Variants in FER observed in about 807,000 individuals in gnomAD.
FER encodes the protein tyrosine-protein kinase Fer.
Under a neutral mutation model 111.0 loss-of-function variants are expected in FER, and 63 were observed. The observed-to-expected ratio is 0.57, with a 90% confidence interval of 0.46 to 0.70. FER has a LOEUF of 0.70. FER is among the 30% of genes least tolerant of loss of function. FER has a pLI of 0.00. For synonymous variants in FER, 327 were observed against 313.9 expected (o/e 1.04, Z -0.44); for missense variants, 914 against 954.0 (o/e 0.96, Z 0.55).
At position 109,194,200 on chromosome 5, in the gene FER, G is replaced by A. The variant is rs1289626423; in HGVS notation, c.*6625G>A. The stretch of plus-strand genomic sequence containing the variant: ...ACATACTCAGTTCTTCCATTCCACT[G>A]TTCTATTGCCAATACCTTTTGTTGT... On this transcript the variant is annotated 3_prime_UTR_variant, in exon 20 of 20. Coordinates refer to ENST00000281092, the MANE Select transcript of FER (RefSeq NM_005246.4). 1.3e-5 allele frequency: 2 copies of A among 152,126 alleles called. No individual in the cohort carries two copies. Among genetic ancestry groups the A allele is most frequent in the Non-Finnish European group, 2.9e-5 (2 of 68,020 alleles). 9.4% of individuals were successfully genotyped at this position (152,126 alleles called of 1,614,324 possible).
chr5:109,017,809 A>T (rs1767381495), intron 13 of FER, among the ~76,000 whole-genome samples: 1 of 151,944 alleles, frequency 6.6e-6, no homozygotes, highest in South Asian at 2.1e-4. Context: ...ACCATTATCC[A>T]AGAAATTCAC....
At chr5:108,927,176 G>T (rs1466769844) in intron 10 of FER, among the ~76,000 whole-genome samples, 5 of 151,012 alleles carry the variant, frequency 3.3e-5, no homozygotes, top group African/African-American at 1.2e-4. Flanking sequence ...AGCTCATTCT[G>T]GTAAGCAAAC....
At position 109,067,873 on chromosome 5, in the gene FER, C is replaced by T. The variant is rs186960948; in HGVS notation, c.1924+20675C>T. Among the ~76,000 whole-genome samples, 474 of 152,034 alleles carry T rather than the reference C, an allele frequency of 3.1e-3. 2 individuals are homozygous for T. The highest frequency in any genetic ancestry group is 0.011 in the African/African-American group (446 of 41,466). On this transcript the variant is annotated intron_variant, in intron 16 of 19. Coordinates refer to ENST00000281092, the MANE Select transcript of FER (RefSeq NM_005246.4). ...GATTTCTAGAAAATATAGTGGCTCC[C>T]GGTGGAGTCTGTGCTTCCAGAAGCC... is the stretch of plus-strand genomic sequence containing the variant.
At chr5:108,755,946 G>T (rs1459160680) in intron 1 of FER, among the ~76,000 whole-genome samples, 1 of 150,440 alleles carries the variant, frequency 6.6e-6, no homozygotes, top group Non-Finnish European at 1.5e-5. Context: ...GAGGTCAGGA[G>T]TTTGAGACCA....
At chr5:108,821,089 G>T (rs780229870) in intron 3 of FER, among the ~76,000 whole-genome samples, 1 of 152,206 alleles carries the variant, frequency 6.6e-6, no homozygotes. Context: ...TCCAGCCTGG[G>T]TGATAGAGTG....
intron 16 of FER, among the ~76,000 whole-genome samples, chr5:109,056,107 T>G (rs1489316015): frequency 6.6e-6 from 1 of 152,192 alleles, no homozygotes; most frequent in Non-Finnish European, 1.5e-5. Context: ...GGAGAAATCC[T>G]GTACACTGTC....
In FER at chr5:108,832,852, T is replaced by C; in HGVS notation, c.290T>C (p.Leu97Ser). ...THAEDLNSGP[L>S]HRLTMMIKDK... ...GCAGAGGACTTGAACTCTGGACCTT[T>C]ACACAGGCTCACCATGATGATTAAG... Residue 97 changes from leucine to serine, a missense_variant, in exon 4 of 20, where the codon TTA becomes TCA. Transcript: ENST00000281092. The C allele has an allele frequency of 6.2e-7, 1 of 1,609,948 alleles. No individual in the cohort carries two copies.
intron 17 of FER, among the ~76,000 whole-genome samples, chr5:109,142,725 A>G (rs1020556381): frequency 2.7e-4 from 40 of 149,546 alleles, no homozygotes; most frequent in Admixed American, 2.2e-3. Flanking sequence ...GAGGACAAAC[A>G]AAGAAACAGA....
At chr5:109,079,255 C>T (rs1247826213) in intron 16 of FER, among the ~76,000 whole-genome samples, 3 of 151,982 alleles carry the variant, frequency 2.0e-5, no homozygotes, top group African/African-American at 7.3e-5. Flanking sequence ...ACCACTGCTC[C>T]ACCTGGGGCA....
chr5:108,760,373 A>G (rs1751596753), intron 1 of FER, among the ~76,000 whole-genome samples: 1 of 152,226 alleles, frequency 6.6e-6, no homozygotes, highest in South Asian at 2.1e-4. Flanking sequence ...GCATTAGCCC[A>G]TAACAAGAGT....
intron 10 of FER, among the ~76,000 whole-genome samples, chr5:108,925,221 A>G (rs931084370): frequency 9.2e-5 from 14 of 151,724 alleles, no homozygotes; most frequent in East Asian, 3.9e-4. Flanking sequence ...TTCAGTTTCT[A>G]TTCTGGCTGG....
chr5:108,759,266 CTT>C (rs1468541696), intron 1 of FER, among the ~76,000 whole-genome samples: 3 of 152,202 alleles, frequency 2.0e-5, no homozygotes, highest in Non-Finnish European at 2.9e-5. Context: ...TGCTTAATCA[CTT>C]TATAACAAGG....
At chr5:109,008,096 A>G (rs1015777308) in intron 13 of FER, among the ~76,000 whole-genome samples, 2 of 152,172 alleles carry the variant, frequency 1.3e-5, no homozygotes, top group African/African-American at 2.4e-5. Context: ...ACTTTTGACA[A>G]CCACAGAAAG....
chr5:108,882,289 TA>T (rs910849323), intron 8 of FER, among the ~76,000 whole-genome samples: 69 of 150,776 alleles, frequency 4.6e-4, no homozygotes, highest in African/African-American at 1.1e-3. Flanking sequence ...TTGTTTCCAT[TA>T]AAAAAAAATA....
intron 13 of FER, among the ~76,000 whole-genome samples, chr5:109,035,347 T>C (rs1393969922): frequency 1.3e-5 from 2 of 152,220 alleles, no homozygotes; most frequent in Admixed American, 1.3e-4. Flanking sequence ...ATACCTAGCA[T>C]TATAGATTGT....
rs541461292 is a variant in FER, at chr5:108,921,282, A to G, written c.1236+23434A>G. Among the ~76,000 whole-genome samples, 40 of 152,220 alleles carry G rather than the reference A, an allele frequency of 2.6e-4. No individual in the cohort carries two copies. In the South Asian group the frequency reaches 7.7e-3, roughly 29 times the overall value. On this transcript the variant is annotated intron_variant, in intron 10 of 19. Coordinates refer to ENST00000281092, the MANE Select transcript of FER (RefSeq NM_005246.4). ...TGGTAGGTTAGTTCTAAATATTTCC[A>G]TGCATTAAATACTAATATATGTACT...
intron 17 of FER, among the ~76,000 whole-genome samples, chr5:109,125,148 CAA>C (rs536711744): frequency 7.1e-4 from 108 of 151,762 alleles, no homozygotes; most frequent in Non-Finnish European, 1.2e-3. Context: ...TTGCTGTTCT[CAA>C]GATTCTAATA....
At chr5:108,985,546 G>A (rs1411387132) in intron 13 of FER, among the ~76,000 whole-genome samples, 1 of 152,020 alleles carries the variant, frequency 6.6e-6, no homozygotes, top group Non-Finnish European at 1.5e-5. Context: ...TACCCGAGCA[G>A]TATACGCTGT....
chr5:109,101,760 AC>A (rs1449392126), intron 17 of FER, among the ~76,000 whole-genome samples: 1 of 152,142 alleles, frequency 6.6e-6, no homozygotes, highest in Non-Finnish European at 1.5e-5. Context: ...TAAAAATTGT[AC>A]TACCATTAAT....
Sources: gnomAD v4.1 joint callset for allele counts (sites outside exome capture counted in the v4.1 genomes callset) on GRCh38, gnomAD v4.1.1 for gene constraint, MANE v1.5 for transcripts, NCBI Gene and HGNC (gene_info 2026-07-23, HGNC 2026-07-21) for gene names.